UNC80: variants seen among roughly 807,000 people sequenced by gnomAD.
UNC80 encodes the protein protein unc-80 homolog.
In UNC80, 164 loss-of-function variants were observed where a neutral mutation model predicts 384.6. The observed-to-expected ratio is 0.43, with a 90% CI of 0.38 to 0.49. UNC80 has a LOEUF of 0.49. UNC80 is among the 20% of genes least tolerant of loss of function. UNC80 has a pLI of 0.00. For missense variants in UNC80, 3,330 were observed against 4,143.0 expected (o/e 0.80, Z 5.39); for synonymous variants, 1,486 against 1,527.8 (o/e 0.97, Z 0.64).
chr2:209,782,245 G>A (rs559783251), intron 4 of UNC80, among the ~76,000 whole-genome samples: 1 of 152,292 alleles, frequency 6.6e-6, no homozygotes, highest in African/African-American at 2.4e-5. Flanking sequence ...CAGCTTCTTA[G>A]TCTGGTAAAC....
At chr2:209,972,581 G>C (rs1398416126) in intron 55 of UNC80, among the ~76,000 whole-genome samples, 3 of 152,202 alleles carry the variant, frequency 2.0e-5, no homozygotes, top group Non-Finnish European at 4.4e-5. Flanking sequence ...CAGGGGAACA[G>C]TCATTCAATT....
At chr2:209,965,435 G>C (rs1206907078) in intron 51 of UNC80, among the ~76,000 whole-genome samples, 1 of 151,304 alleles carries the variant, frequency 6.6e-6, no homozygotes. Flanking sequence ...AAAATATACA[G>C]ATTTCTGGGC....
chr2:209,809,165 C>T, intron 7 of UNC80: 1 of 625,774 alleles, frequency 1.6e-6, no homozygotes, highest in Admixed American at 2.6e-5. Context: ...GAGGCCGATA[C>T]CACCTTCCCA....
intron 22 of UNC80, among the ~76,000 whole-genome samples, chr2:209,866,486 A>ACCC (rs67328888): frequency 1.8e-5 from 2 of 111,750 alleles, no homozygotes; most frequent in African/African-American, 7.8e-5. Flanking sequence ...TACAAAATGC[A>ACCC]CCCCCACACA....
chr2:209,834,883 G>A (rs924143942), intron 17 of UNC80, 29 bp from the exon 18 acceptor site: 2 of 1,519,796 alleles, frequency 1.3e-6, no homozygotes, highest in Admixed American at 2.0e-5. Context: ...CTGCTCTGCT[G>A]TAATTGTTGG....
chr2:209,952,751 CCTTTCTAGTAAGACAATT>C (rs2092243730), intron 47 of UNC80, among the ~76,000 whole-genome samples: 1 of 152,116 alleles, frequency 6.6e-6, no homozygotes, highest in Admixed American at 6.6e-5. Context: ...TTTTGTCCAC[CCTTTCTAGTAAGACAATT>C]AGTCTGCAGC....
intron 23 of UNC80, 96 bp from the exon 24 acceptor site, chr2:209,877,858 C>A: frequency 7.6e-7 from 1 of 1,308,700 alleles, no homozygotes; most frequent in Non-Finnish European, 1.0e-6. Context: ...GGAAATAATT[C>A]TCATTAATTG....
intron 17 of UNC80, 83 bp downstream of exon 17, chr2:209,834,251 G>A: frequency 7.2e-7 from 1 of 1,398,480 alleles, no homozygotes; most frequent in Non-Finnish European, 9.7e-7. Flanking sequence ...TGTGGTTCCT[G>A]TGCTGAAATG....
At chr2:209,814,906 T>C (rs964673085) in intron 8 of UNC80, among the ~76,000 whole-genome samples, 4 of 152,144 alleles carry the variant, frequency 2.6e-5, no homozygotes, top group Non-Finnish European at 5.9e-5. Context: ...GTAGTAGATA[T>C]TCTGCCTAAG....
intron 7 of UNC80, among the ~76,000 whole-genome samples, chr2:209,799,122 G>T (rs1431929328): frequency 6.7e-6 from 1 of 150,060 alleles, no homozygotes; most frequent in African/African-American, 2.5e-5. Flanking sequence ...AATGTCAATG[G>T]TAGTTTGATG....
chr2:209,854,663 A>G (rs973120488), intron 22 of UNC80, among the ~76,000 whole-genome samples: 1 of 152,180 alleles, frequency 6.6e-6, no homozygotes. Flanking sequence ...TCAAAAGAAA[A>G]CATTTATGTG....
Position 209,904,857 on chromosome 2 carries a change from T to C in UNC80, c.4674T>C (p.Cys1558=), listed in dbSNP as rs1240156952. ...GCTACCTGCACCACAGCCGCTCCTG[T>C]GCCCGACTGGTCAGAGCCATCAAGC... ...PHCYLHHSRS[C]ARLVRAIKLL... is the part of the protein sequence containing the mutation. Residue 1558 remains cysteine, a synonymous_variant, in exon 29 of 65, where the codon TGT becomes TGC. Transcript: ENST00000673920. The C allele has an allele frequency of 1.3e-6, 2 of 1,551,986 alleles. No homozygotes were observed. Among genetic ancestry groups the C allele is most frequent in the Non-Finnish European group, 1.7e-6 (2 of 1,147,034 alleles).
At chr2:209,963,630 TGAG>T (rs2092662001) in intron 51 of UNC80, among the ~76,000 whole-genome samples, 1 of 152,174 alleles carries the variant, frequency 6.6e-6, no homozygotes, top group African/African-American at 2.4e-5. Flanking sequence ...ACAAATAACC[TGAG>T]AAGTAAAGAA....
chr2:209,806,577 CTT>C (rs1291394298), intron 7 of UNC80, among the ~76,000 whole-genome samples: 2 of 152,304 alleles, frequency 1.3e-5, no homozygotes, highest in Admixed American at 6.5e-5. Flanking sequence ...CAAAGTAAAA[CTT>C]TCAGAAAATA....
At chr2:209,860,426 A>G (rs954938963) in intron 22 of UNC80, among the ~76,000 whole-genome samples, 1 of 152,164 alleles carries the variant, frequency 6.6e-6, no homozygotes, top group South Asian at 2.1e-4. Context: ...TGTTTTGGTT[A>G]TTGTAGCCTT....
intron 39 of UNC80, among the ~76,000 whole-genome samples, 187 bp downstream of exon 39, chr2:209,934,192 G>T (rs533806808): frequency 3.9e-5 from 6 of 152,222 alleles, no homozygotes; most frequent in Admixed American, 2.6e-4. Context: ...AAAAGTCAGC[G>T]GTTGCCAGCT....
chr2:209,815,907 T>G (rs1291843094), intron 9 of UNC80, among the ~76,000 whole-genome samples: 1 of 152,204 alleles, frequency 6.6e-6, no homozygotes, highest in African/African-American at 2.4e-5. Context: ...CTGCCTCTCT[T>G]TTTTGTAAGT....
In UNC80 at chr2:209,792,669, G is replaced by A. The variant is rs192364951; in HGVS notation, c.799-1051G>A. On this transcript the variant is annotated intron_variant, in intron 6 of 64. Transcript: ENST00000673920. ...GTTCCATCTTAATACTTTTTATATTGATTCTATGTTGAAATGATAATTAGG... is the reference window on the plus strand; with the variant it reads ...GTTCCATCTTAATACTTTTTATATTAATTCTATGTTGAAATGATAATTAGG... Among the ~76,000 whole-genome samples the A allele has an allele frequency of 1.6e-3, 246 of 152,168 alleles. 1 individual carries two copies. The highest frequency in any genetic ancestry group is 5.7e-3 in the African/African-American group (238 of 41,536).
At chr2:209,800,224 A>T (rs936237039) in intron 7 of UNC80, among the ~76,000 whole-genome samples, 2 of 152,206 alleles carry the variant, frequency 1.3e-5, no homozygotes, top group East Asian at 3.9e-4. Flanking sequence ...TAATTACTGC[A>T]TCAATTTCAG....
Sources: allele counts gnomAD v4.1 joint callset (sites outside exome capture counted in the v4.1 genomes callset), GRCh38; gene constraint gnomAD v4.1.1; transcripts MANE v1.5; gene names NCBI Gene and HGNC (gene_info 2026-07-23, HGNC 2026-07-21).